Variants in BIVM observed in about 807,000 individuals in gnomAD.
BIVM encodes the protein basic, immunoglobulin-like variable motif containing.
Under a neutral mutation model 61.4 loss-of-function variants are expected in BIVM, and 31 were observed. That is an observed-to-expected ratio of 0.51 (90% CI 0.38 to 0.68). BIVM has a LOEUF of 0.68. BIVM is among the 30% of genes least tolerant of loss of function. BIVM has a pLI of 0.00. For synonymous variants in BIVM, 189 were observed against 210.7 expected, an observed-to-expected ratio of 0.90 and a Z score of 0.89; for missense variants, 526 against 596.0, an observed-to-expected ratio of 0.88 and a Z score of 1.22.
intron 8 of BIVM, among the ~76,000 whole-genome samples, chr13:102,833,327 G>GTTTTTTTTTTTGTTTTTTTTTTTTTT (rs1881234674): frequency 2.5e-5 from 2 of 79,598 alleles, no homozygotes; most frequent in Admixed American, 1.7e-4. Flanking sequence ...GATAGGATGG[G>GTTTTTTTTTTTGTTTTTTTTTTTTTT]TTTTTTTTTT....
chr13:102,823,448 A>G (rs148312962), intron 7 of BIVM, among the ~76,000 whole-genome samples: 67 of 152,348 alleles, frequency 4.4e-4, no homozygotes, highest in African/African-American at 1.5e-3. Context: ...GGATAAAAGG[A>G]GACATACTTG....
rs1305287585 is a variant in BIVM at position 102,828,955 on chromosome 13, G to A, written c.902-2610G>A. On this transcript the variant is annotated intron_variant, in intron 7 of 10. Coordinates refer to ENST00000257336, the MANE Select transcript of BIVM (RefSeq NM_017693.4). The stretch of plus-strand genomic sequence containing the variant: ...TGAGGCACGAGAATTGCTTGAACCC[G>A]GGAGGTGGAGGTTGCAGTGAGCTGA... Among the ~76,000 whole-genome samples, 5 of 152,080 alleles carry A rather than the reference G, an allele frequency of 3.3e-5. No individual in the cohort carries two copies. The South Asian group carries it at 6.2e-4, about 19-fold the overall frequency.
intron 1 of BIVM, among the ~76,000 whole-genome samples, chr13:102,802,257 A>G (rs954817045): frequency 2.0e-5 from 3 of 152,206 alleles, no homozygotes; most frequent in African/African-American, 7.2e-5. Flanking sequence ...AGTATTGTCT[A>G]TAATGATTCT....
intron 9 of BIVM, among the ~76,000 whole-genome samples, chr13:102,837,734 A>G (rs1881574750): frequency 6.6e-6 from 1 of 152,246 alleles, no homozygotes; most frequent in African/African-American, 2.4e-5. Context: ...AAAGGAATGA[A>G]ATGATGTCTT....
chr13:102,807,870 T>G lies in BIVM; in HGVS notation c.478+125T>G. The G allele has an allele frequency of 9.1e-7, 1 of 1,100,830 alleles. No homozygotes were observed. Among genetic ancestry groups the G allele is most frequent in the Non-Finnish European group, 1.3e-6 (1 of 793,966 alleles). The allele number at this position is 1,100,830 out of a possible 1,614,324, so 68.2% of individuals were successfully genotyped here. A position where few individuals can be genotyped will look rare whatever the true frequency, so the allele number is the denominator to read the frequency against. On this transcript the variant is annotated intron_variant, in intron 3 of 10. Transcript: ENST00000257336. This position sits in a 1 kb window ranked among gnomAD's most constrained non-coding sequence, Gnocchi z 4.0. Reference sequence around the variant, plus strand: ...CTAGATAAGGAACATGGCTATCATCTTGTCTGTCAATGTAGTTTTAGGAAA... The same window carrying G: ...CTAGATAAGGAACATGGCTATCATCGTGTCTGTCAATGTAGTTTTAGGAAA...
intron 2 of BIVM, among the ~76,000 whole-genome samples, chr13:102,806,102 A>C (rs1879058764): frequency 6.6e-6 from 1 of 152,164 alleles, no homozygotes. Context: ...TTCCATTAGC[A>C]ATGTATGAGG....
chr13:102,821,859 C>T lies in BIVM; in HGVS notation c.806+12C>T. 1.2e-6 allele frequency: 2 copies of T among 1,607,146 alleles called. No individual in the cohort carries two copies. The highest frequency in any genetic ancestry group is 1.7e-6 in the Non-Finnish European group (2 of 1,177,328). On this transcript the variant is annotated intron_variant, in intron 6 of 10. Transcript: ENST00000257336. ...ACAACACTTATGAGGTATGAAGACC[C>T]TCTTAGAGGCAATATCGTGTTTCTA...
intron 7 of BIVM, among the ~76,000 whole-genome samples, chr13:102,827,917 C>A (rs1880788396): frequency 6.6e-6 from 1 of 152,194 alleles, no homozygotes; most frequent in Non-Finnish European, 1.5e-5. Flanking sequence ...TTTCTGATTT[C>A]TCTCTGGGAT....
rs186526333 is a variant in BIVM at position 102,815,643 on chromosome 13, T to G, written c.479-785T>G. The stretch of plus-strand genomic sequence containing the variant: ...TGTACTCTCAAAAATTAAAAAAAAT[T>G]AAAAAGTACAAATTCTCACTCTTAC... On this transcript the variant is annotated intron_variant, in intron 3 of 10. Transcript: ENST00000257336. Among the ~76,000 whole-genome samples the G allele has an allele frequency of 1.6e-4, 24 of 152,312 alleles. No homozygotes were observed. In the East Asian group the frequency reaches 2.7e-3, roughly 17 times the overall value.
chr13:102,831,727 T>C, intron 8 of BIVM, 30 bp downstream of exon 8: 1 of 1,612,518 alleles, frequency 6.2e-7, no homozygotes, highest in African/African-American at 1.3e-5. Context: ...AGAAAGTGCA[T>C]TTTAAGAAAT....
intron 4 of BIVM, among the ~76,000 whole-genome samples, chr13:102,817,807 C>T (rs1879977241): frequency 6.6e-6 from 1 of 151,894 alleles, no homozygotes; most frequent in South Asian, 2.1e-4. Flanking sequence ...TAATTCATGA[C>T]AACTTTTATG....
intron 8 of BIVM, among the ~76,000 whole-genome samples, chr13:102,832,074 A>G (rs1247558026): frequency 6.6e-6 from 1 of 152,310 alleles, no homozygotes; most frequent in East Asian, 1.9e-4. Flanking sequence ...AAGTTAGACT[A>G]TTCTTTAAAC....
intron 3 of BIVM, among the ~76,000 whole-genome samples, chr13:102,811,784 A>G (rs994336894): frequency 6.6e-6 from 1 of 152,220 alleles, no homozygotes; most frequent in African/African-American, 2.4e-5. Context: ...CAGCCTCCCA[A>G]AGTGCTGGGA....
chr13:102,819,082 C>T (rs1880064623), intron 4 of BIVM, among the ~76,000 whole-genome samples: 2 of 152,024 alleles, frequency 1.3e-5, no homozygotes, highest in Non-Finnish European at 2.9e-5. Context: ...GGCCATATAG[C>T]TTATGATGAC....
intron 7 of BIVM, among the ~76,000 whole-genome samples, chr13:102,829,933 A>G (rs1393853548): frequency 1.3e-5 from 2 of 152,160 alleles, no homozygotes; most frequent in African/African-American, 4.8e-5. Flanking sequence ...TTGGCCTGAA[A>G]TTGTTGGATT....
chr13:102,835,101 A>AT (rs1881370314), intron 9 of BIVM, among the ~76,000 whole-genome samples: 1 of 152,092 alleles, frequency 6.6e-6, no homozygotes, highest in African/African-American at 2.4e-5. Flanking sequence ...TGCACCCACC[A>AT]TGCGCGGTGG....
chr13:102,829,981 AT>A (rs1429010187), intron 7 of BIVM, among the ~76,000 whole-genome samples: 1 of 152,148 alleles, frequency 6.6e-6, no homozygotes, highest in African/African-American at 2.4e-5. Context: ...CCTACCCTGT[AT>A]TCTATAAACT....
chr13:102,825,512 A>G (rs1880613245), intron 7 of BIVM, among the ~76,000 whole-genome samples: 1 of 152,190 alleles, frequency 6.6e-6, no homozygotes, highest in Non-Finnish European at 1.5e-5. Context: ...GCCAAACCCT[A>G]ACCTAGAGGA....
At chr13:102,812,615 C>A (rs1013088894) in intron 3 of BIVM, among the ~76,000 whole-genome samples, 1 of 152,148 alleles carries the variant, frequency 6.6e-6, no homozygotes, top group Non-Finnish European at 1.5e-5. Flanking sequence ...AAAGCCCCTG[C>A]CTTTCTCTGA....
Sources: gnomAD v4.1 joint callset for allele counts (sites outside exome capture counted in the v4.1 genomes callset) on GRCh38, gnomAD v4.1.1 for gene constraint, Gnocchi (gnomAD v3.1) non-coding constraint, MANE v1.5 for transcripts, NCBI Gene and HGNC (gene_info 2026-07-23, HGNC 2026-07-21) for gene names.